Variants in P2RY8 observed in about 807,000 individuals in gnomAD.
P2RY8 encodes P2Y receptor family member 8.
In P2RY8, 6 loss-of-function variants were observed where a neutral mutation model predicts 10.0. The ratio of observed to expected loss-of-function variants is 0.60; its 90% confidence interval spans 0.33 to 1.19. The LOEUF (loss-of-function observed/expected upper bound fraction) is 1.19, where lower values mean the gene tolerates loss of function less well. Among genes scored for constraint, P2RY8 ranks in the 50% most tolerant of loss-of-function variants. P2RY8 has a pLI of 0.04. For synonymous variants in P2RY8, 276 were observed against 252.5 expected, an observed-to-expected ratio of 1.09 and a Z score of -0.88; for missense variants, 456 against 542.0, an observed-to-expected ratio of 0.84 and a Z score of 1.58.
rs190170338 is a variant in P2RY8, at chrX:1,496,849, C to T, written c.-24-30267G>A. ...AGTAGCTGGGATGACAGGCACCCAC[C>T]GCACCTGGCCAAGTATTTTTAATAT... is the stretch of plus-strand genomic sequence containing the variant. On this transcript the variant is annotated intron_variant, in intron 1 of 1. Coordinates refer to ENST00000381297, the MANE Select transcript of P2RY8 (RefSeq NM_178129.5). 7.5e-3 allele frequency among the ~76,000 whole-genome samples: 1,098 copies of T among 145,912 alleles called. 139 individuals carry two copies. The highest frequency in any genetic ancestry group is 0.027 in the African/African-American group (1,039 of 38,718).
chrX:1,476,914 A>G (rs1257997574), intron 1 of P2RY8, among the ~76,000 whole-genome samples: 1 of 151,986 alleles, frequency 6.6e-6, no homozygotes, highest in Admixed American at 6.6e-5. Context: ...GTCAGCCTGG[A>G]GCAGTGGCTC....
rs2091642623 is a variant in P2RY8 at position 1,464,963 on chromosome X, G to A, written c.*516C>T. On this transcript the variant is annotated 3_prime_UTR_variant, in exon 2 of 2. Transcript: ENST00000381297. ...GAACCCCTGGAGGAGAATGGAGAAG[G>A]CCAGAACCACAACTAAGGGACGATG... 4.2e-6 allele frequency: 1 copy of A among 240,010 alleles called. No individual in the cohort carries two copies. The allele number at this position is 240,010 out of a possible 1,614,324, so 14.9% of individuals were successfully genotyped here.
chrX:1,503,429 C>A lies in P2RY8; in HGVS notation c.-25+33492G>T, dbSNP rs1484947048. 2.6e-5 allele frequency among the ~76,000 whole-genome samples: 4 copies of A among 152,150 alleles called. No individual in the cohort carries two copies. In the East Asian group the frequency reaches 5.8e-4, roughly 22 times the overall value. ...TACTACTGAACAAGTTTGAAAGATG[C>A]AGGCACTTTCTGACATGCCACGAGC... On this transcript the variant is annotated intron_variant, in intron 1 of 1. Transcript: ENST00000381297.
At chrX:1,533,383 A>G (rs2092494478) in intron 1 of P2RY8, among the ~76,000 whole-genome samples, 1 of 147,002 alleles carries the variant, frequency 6.8e-6, no homozygotes, top group Non-Finnish European at 1.5e-5. Context: ...TTTATTATTT[A>G]AACATATATT....
At chrX:1,492,788 A>G (rs1158560618) in intron 1 of P2RY8, among the ~76,000 whole-genome samples, 2 of 152,120 alleles carry the variant, frequency 1.3e-5, no homozygotes, top group African/African-American at 2.4e-5. Context: ...CACGGAGCCC[A>G]GGCCACCTGC....
chrX:1,505,219 C>G (rs1400731249), intron 1 of P2RY8, among the ~76,000 whole-genome samples: 1 of 151,838 alleles, frequency 6.6e-6, no homozygotes, highest in East Asian at 1.9e-4. Context: ...AGGACCTGAG[C>G]TGGGTTTCTG....
intron 1 of P2RY8, among the ~76,000 whole-genome samples, chrX:1,499,510 T>A (rs73184979): frequency 6.6e-6 from 1 of 152,248 alleles, no homozygotes; most frequent in African/African-American, 2.4e-5. Context: ...CCACACCTAC[T>A]GGTTATGTTC....
At chrX:1,481,247 C>CA (rs2091932048) in intron 1 of P2RY8, among the ~76,000 whole-genome samples, 1 of 152,098 alleles carries the variant, frequency 6.6e-6, no homozygotes, top group Admixed American at 6.5e-5. Flanking sequence ...CGGCTCCCTG[C>CA]AACCTCCGCC....
At chrX:1,509,044 AT>A (rs1195307432) in intron 1 of P2RY8, among the ~76,000 whole-genome samples, 8 of 116,818 alleles carry the variant, frequency 6.8e-5, no homozygotes, top group East Asian at 2.6e-4. Flanking sequence ...CCATCCATTT[AT>A]TCTATCTATG....
At chrX:1,468,722 CCTCCT>C (rs2091728062) in intron 1 of P2RY8, among the ~76,000 whole-genome samples, 1 of 139,984 alleles carries the variant, frequency 7.1e-6, no homozygotes, top group Non-Finnish European at 1.6e-5. Context: ...TAGGTGGGAC[CCTCCT>C]CTCCTCTCTC....
Position 1,536,921 on chromosome X carries a change from C to G in P2RY8, c.-25G>C, listed in dbSNP as rs2092531447. 2 of 225,802 alleles carry G rather than the reference C, an allele frequency of 8.9e-6. No individual in the cohort carries two copies. Among genetic ancestry groups the G allele is most frequent in the African/African-American group, 2.2e-5 (1 of 44,934 alleles). 14.0% of individuals were successfully genotyped at this position (225,802 alleles called of 1,614,324 possible). ...ATAAAAGTCCAGCTCGGCGGCTCACCTGTGCAGAAGCAGCGGCAGAAGTAG... is the reference window on the plus strand; with the variant it reads ...ATAAAAGTCCAGCTCGGCGGCTCACGTGTGCAGAAGCAGCGGCAGAAGTAG... On this transcript the variant is annotated splice_region_variant and 5_prime_UTR_variant, in exon 1 of 2. Transcript: ENST00000381297.
chrX:1,491,381 G>C (rs1279499219), intron 1 of P2RY8, among the ~76,000 whole-genome samples: 4 of 152,236 alleles, frequency 2.6e-5, no homozygotes, highest in Admixed American at 6.5e-5. Flanking sequence ...ATGACACACA[G>C]AGATTCATTC....
chrX:1,525,654 C>G (rs780395737), intron 1 of P2RY8, among the ~76,000 whole-genome samples: 1 of 151,642 alleles, frequency 6.6e-6, no homozygotes, highest in Admixed American at 6.6e-5. Flanking sequence ...CATCCATCCA[C>G]CCATGAATTC....
At chrX:1,524,678 C>T (rs1159008399) in intron 1 of P2RY8, among the ~76,000 whole-genome samples, 2 of 129,718 alleles carry the variant, frequency 1.5e-5, no homozygotes, top group African/African-American at 2.8e-5. Flanking sequence ...TTCATCCATC[C>T]ATCCATCCAT....
At chrX:1,474,878 G>GTGGATGGATGGATGGA (rs1179994281) in intron 1 of P2RY8, among the ~76,000 whole-genome samples, 18 of 133,140 alleles carry the variant, frequency 1.4e-4, no homozygotes, top group African/African-American at 4.7e-4. Context: ...GTATGGGTGT[G>GTGGATGGATGGATGGA]TGGATGGATG....
At chrX:1,475,542 C>T (rs753368978) in intron 1 of P2RY8, among the ~76,000 whole-genome samples, 4 of 151,484 alleles carry the variant, frequency 2.6e-5, no homozygotes, top group South Asian at 2.1e-4. Context: ...TGGCAGCTGT[C>T]GCAAACCAAT....
At position 1,465,543 on chromosome X, in the gene P2RY8, G is replaced by T. The variant is rs1306654084; in HGVS notation, c.1016C>A (p.Ala339Glu). The T allele has an allele frequency of 6.2e-7, 1 of 1,611,986 alleles. No homozygotes were observed. The highest frequency in any genetic ancestry group is 1.3e-5 in the African/African-American group (1 of 74,902). ...RTTSVRSEAG[A>E]HPEGMEGATR... ...GGCTCCCTCCATCCCTTCAGGGTGC[G>T]CACCGGCCTCGGAGCGCACGGACGT... The change falls in exon 2 of 2, where the codon GCG becomes GAG. Residue 339 changes from alanine to glutamate, a missense_variant. Transcript: ENST00000381297.
chrX:1,476,548 C>A (rs2091875994), intron 1 of P2RY8, among the ~76,000 whole-genome samples: 3 of 151,060 alleles, frequency 2.0e-5, no homozygotes, highest in Non-Finnish European at 4.4e-5. Flanking sequence ...GATGGCACCA[C>A]TGCACTCCAG....
Position 1,465,400 on chromosome X carries a change from C to A in P2RY8, c.*79G>T. On this transcript the variant is annotated 3_prime_UTR_variant, in exon 2 of 2. Coordinates refer to ENST00000381297, the MANE Select transcript of P2RY8 (RefSeq NM_178129.5). The stretch of plus-strand genomic sequence containing the variant: ...GAGCAACGCAGCTGTTCTCCCTGAA[C>A]CTCTGGCACCGTGGCCTCTCCATGC... The A allele has an allele frequency of 6.6e-7, 1 of 1,519,686 alleles. No individual in the cohort carries two copies. Among genetic ancestry groups the A allele is most frequent in the Non-Finnish European group, 8.8e-7 (1 of 1,142,592 alleles). 94.1% of individuals were successfully genotyped at this position (1,519,686 alleles called of 1,614,324 possible).
Sources: allele counts gnomAD v4.1 joint callset (sites outside exome capture counted in the v4.1 genomes callset), GRCh38; gene constraint gnomAD v4.1.1; transcripts MANE v1.5; gene names NCBI Gene and HGNC (gene_info 2026-07-23, HGNC 2026-07-21).